The following ANO8 variants were observed in gnomAD, a reference collection of about 807,000 sequenced individuals.
ANO8 encodes the protein anoctamin-8.
ANO8 carries 67 observed loss-of-function variants against 120.4 expected under a neutral mutation model. The observed-to-expected ratio is 0.56, with a 90% CI of 0.46 to 0.68. The LOEUF is 0.68. Among genes scored for constraint, ANO8 ranks in the 30% least tolerant of loss-of-function variants. ANO8 has a pLI of 0.00. For synonymous variants in ANO8, 727 were observed against 759.2 expected (o/e 0.96, Z 0.70); for missense variants, 1,526 against 1,737.6 (o/e 0.88, Z 2.16).
Position 17,329,839 on chromosome 19 carries a change from A to G in ANO8, c.1330-8T>C. 1 of 1,613,876 alleles carries G rather than the reference A, an allele frequency of 6.2e-7. No individual in the cohort carries two copies. Among genetic ancestry groups the G allele is most frequent in the Middle Eastern group, 1.6e-4 (1 of 6,062 alleles). On this transcript the variant is annotated splice_polypyrimidine_tract_variant and splice_region_variant and intron_variant, in intron 11 of 17. Transcript: ENST00000159087. ...CGAGTTGACAAACTGGAACTGCAGG[A>G]AGGAGGCAGGCGGTGGTCATCCTGC...
chr19:17,329,023 C>A lies in ANO8; in HGVS notation c.1405-40G>T, dbSNP rs781051443. ...GGGAAGGAGAGAGGCGCGTGGGGGG[C>A]AAGCGGGGCGCCGGGATCGGGGGAC... On this transcript the variant is annotated intron_variant, in intron 12 of 17. Transcript: ENST00000159087. 1.1e-4 allele frequency: 152 copies of A among 1,395,808 alleles called. No individual in the cohort carries two copies. The South Asian group carries it at 2.0e-3, about 18-fold the overall frequency. 86.5% of individuals were successfully genotyped at this position (1,395,808 alleles called of 1,614,324 possible).
intron 5 of ANO8, among the ~76,000 whole-genome samples, chr19:17,332,382 C>T (rs2074325773): frequency 6.6e-6 from 1 of 152,168 alleles, no homozygotes. Flanking sequence ...TCCCAAAGTA[C>T]TGGGAGCCAC....
chr19:17,329,746 G>A lies in ANO8; in HGVS notation c.1404+11C>T, dbSNP rs904414952. Reference sequence around the variant, plus strand: ...GGGCAGGGGGGACTGCCGCTGGGGCGGGGGTCTCACCTCTTTCAAGCGCTC... The same window carrying A: ...GGGCAGGGGGGACTGCCGCTGGGGCAGGGGTCTCACCTCTTTCAAGCGCTC... On this transcript the variant is annotated intron_variant, in intron 12 of 17. Coordinates refer to ENST00000159087, the MANE Select transcript of ANO8 (RefSeq NM_020959.3). 2.5e-6 allele frequency: 4 copies of A among 1,608,092 alleles called. No homozygotes were observed. Among genetic ancestry groups the A allele is most frequent in the South Asian group, 2.2e-5 (2 of 90,432 alleles).
chr19:17,323,966 T>C, intron 17 of ANO8, 82 bp from the exon 18 acceptor site: 1 of 1,046,246 alleles, frequency 9.6e-7, no homozygotes, highest in Non-Finnish European at 1.2e-6. Flanking sequence ...CCGCGCTCCC[T>C]CCCGGGCATC....
Position 17,328,271 on chromosome 19 carries a change from G to T in ANO8, c.2117C>A (p.Thr706Asn), listed in dbSNP as rs1323649806. ...DPEPGSNSDSTRRQRRQNRSS... is the reference protein window; with the variant it reads ...DPEPGSNSDSNRRQRRQNRSS... Reference sequence around the variant, plus strand: ...CCGGTTCTGCCGTCTCTGCCTACGGGTCGAATCGCTGTTGGAGCCGGGTTC... The same window carrying T: ...CCGGTTCTGCCGTCTCTGCCTACGGTTCGAATCGCTGTTGGAGCCGGGTTC... The change falls in exon 13 of 18, where the codon ACC (threonine) becomes AAC (asparagine). Residue 706 changes from threonine to asparagine, a missense_variant. Around this residue, in one of 8 missense-constraint regions of ANO8, gnomAD observed 467 missense variants for 425.8 expected, o/e 1.10. Transcript: ENST00000159087. The T allele has an allele frequency of 6.2e-7, 1 of 1,610,564 alleles. No individual in the cohort carries two copies. The highest frequency in any genetic ancestry group is 1.3e-5 in the African/African-American group (1 of 75,014).
rs764238067 is a variant in ANO8, at chr19:17,330,379, C to A, written c.1119G>T (p.Leu373Phe). 1.3e-6 allele frequency: 2 copies of A among 1,593,572 alleles called. No homozygotes were observed. Among genetic ancestry groups the A allele is most frequent in the Non-Finnish European group, 1.7e-6 (2 of 1,170,036 alleles). ...GCAGCTGGAAGCAGCCAAGCATGAG[C>A]AAGAAGACACAGACGAGGCACGCCA... ...LCLACLVCVF[L>F]LMLGCFQLQE... The change falls in exon 9 of 18, where the codon TTG (leucine) becomes TTT (phenylalanine). Residue 373 changes from leucine to phenylalanine, a missense_variant. This residue lies in a region of ANO8 where 91 missense variants were observed against 85.3 expected (regional missense o/e 1.07). Coordinates refer to ENST00000159087, the MANE Select transcript of ANO8 (RefSeq NM_020959.3).
At position 17,328,708 on chromosome 19, in the gene ANO8, C is replaced by T; in HGVS notation, c.1680G>A (p.Ala560=). ...CGAPEEEEEA[A]LVERRRAGEG... is the part of the protein sequence containing the mutation. ...CCCCCGCCCGCCGCCGCTCCACCAGCGCCGCCTCCTCCTCCTCCTCCGGCG... is the reference window on the plus strand; with the variant it reads ...CCCCCGCCCGCCGCCGCTCCACCAGTGCCGCCTCCTCCTCCTCCTCCGGCG... Residue 560 remains alanine (A), a synonymous_variant, in exon 13 of 18, where the codon GCG becomes GCA. Coordinates refer to ENST00000159087, the MANE Select transcript of ANO8 (RefSeq NM_020959.3). The T allele has an allele frequency of 7.2e-7, 1 of 1,390,178 alleles. No individual in the cohort carries two copies. The highest frequency in any genetic ancestry group is 9.4e-7 in the Non-Finnish European group (1 of 1,065,820). The allele number at this position is 1,390,178 out of a possible 1,614,324, so 86.1% of individuals were successfully genotyped here. A position where few individuals can be genotyped will look rare whatever the true frequency, so the allele number is the denominator to read the frequency against.
At position 17,330,940 on chromosome 19, in the gene ANO8, C is replaced by T; in HGVS notation, c.881G>A (p.Trp294Ter). Residue 294 changes from tryptophan (W) to a stop codon, truncating the protein, a stop_gained, in exon 8 of 18, where the codon TGG becomes TAG. Coordinates refer to ENST00000159087, the MANE Select transcript of ANO8 (RefSeq NM_020959.3). LOFTEE classifies it high-confidence loss of function. ...CVVFALFNVI[W>*]STLFLEEWKR... ...CCATTCCTCTAGGAACAGCGTCGAC[C>T]AGATCACGTTGAAGAGGGCAAAGAC... is the stretch of plus-strand genomic sequence containing the variant. 6.2e-7 allele frequency: 1 copy of T among 1,614,176 alleles called. No homozygotes were observed. Among genetic ancestry groups the T allele is most frequent in the Non-Finnish European group, 8.5e-7 (1 of 1,180,036 alleles).
rs1332688555 is a variant in ANO8 at position 17,330,816 on chromosome 19, C to A, written c.993+12G>T. The A allele has an allele frequency of 2.5e-6, 4 of 1,611,106 alleles. No homozygotes were observed. The highest frequency in any genetic ancestry group is 2.5e-6 in the Non-Finnish European group (3 of 1,178,408). On this transcript the variant is annotated intron_variant, in intron 8 of 17. Coordinates refer to ENST00000159087, the MANE Select transcript of ANO8 (RefSeq NM_020959.3). ...CCTGTCTCCATGACCCTGGACTCAG[C>A]CCCCAACTGACCCTGAACTGGGGGC...
In ANO8 at chr19:17,328,304, G is replaced by A. The variant is rs753268979; in HGVS notation, c.2084C>T (p.Pro695Leu). 1.9e-6 allele frequency: 3 copies of A among 1,601,668 alleles called. No homozygotes were observed. The highest frequency in any genetic ancestry group is 1.3e-5 in the African/African-American group (1 of 74,880). ...EGRDQGPDGG[P>L]DPEPGSNSDS... Reference sequence around the variant, plus strand: ...GCTGTTGGAGCCGGGTTCCGGGTCCGGGCCCCCGTCGGGCCCCTGGTCTCG... The same window carrying A: ...GCTGTTGGAGCCGGGTTCCGGGTCCAGGCCCCCGTCGGGCCCCTGGTCTCG... Residue 695 changes from proline to leucine, a missense_variant, in exon 13 of 18, where the codon CCG becomes CTG. Coordinates refer to ENST00000159087, the MANE Select transcript of ANO8 (RefSeq NM_020959.3).
In ANO8 at chr19:17,333,807, G is replaced by A. The variant is rs2074339420; in HGVS notation, c.107-7C>T. 1.3e-6 allele frequency: 2 copies of A among 1,580,818 alleles called. No individual in the cohort carries two copies. The highest frequency in any genetic ancestry group is 2.3e-5 in the East Asian group (1 of 42,984). On this transcript the variant is annotated splice_polypyrimidine_tract_variant and splice_region_variant and intron_variant, in intron 1 of 17. Coordinates refer to ENST00000159087, the MANE Select transcript of ANO8 (RefSeq NM_020959.3). This position sits in a 1 kb window ranked among gnomAD's most constrained non-coding sequence, Gnocchi z 7.2. ...CGCTTTCCGAAAAGCTTATCTAGGG[G>A]GCGGCGTAGCAGGCCCGGGTCAGGC... is the stretch of plus-strand genomic sequence containing the variant.
rs759499509 is a variant in ANO8 at position 17,331,408 on chromosome 19, G to A, written c.590C>T (p.Pro197Leu). 8 of 1,613,166 alleles carry A rather than the reference G, an allele frequency of 5.0e-6. No individual in the cohort carries two copies. Among genetic ancestry groups the A allele is most frequent in the Non-Finnish European group, 5.9e-6 (7 of 1,179,912 alleles). The change falls in exon 6 of 18, where the codon CCG (proline) becomes CTG (leucine). Residue 197 changes from proline (P) to leucine (L), a missense_variant. Pro to Leu is a moderately conservative substitution (Grantham distance 98, BLOSUM62 -3). Coordinates refer to ENST00000159087, the MANE Select transcript of ANO8 (RefSeq NM_020959.3). ...VRFLEDQPII[P>L]ELAARGIIQQ... ...GATGATCCCACGTGCTGCCAGCTCC[G>A]GGACTGTGGAGGGAGGAGCACAGGT...
rs763723821 is a variant in ANO8 at position 17,323,642 on chromosome 19, C to T, written c.3574G>A (p.Ala1192Thr). 1 of 754,634 alleles carries T rather than the reference C, an allele frequency of 1.3e-6. No individual in the cohort carries two copies. Among genetic ancestry groups the T allele is most frequent in the Non-Finnish European group, 1.6e-6 (1 of 633,764 alleles). The allele number at this position is 754,634 out of a possible 1,614,324, so 46.7% of individuals were successfully genotyped here. A position where few individuals can be genotyped will look rare whatever the true frequency, so the allele number is the denominator to read the frequency against. ...GGGGGCGGGAGGCTGTAAAAGCTGG[C>T]GTCTCCCGGCAGGGGCTGGGGGGCG... ...PPAPQPLPGD[A>T]SFYSLPPPPL... Residue 1192 changes from alanine (A) to threonine (T), a missense_variant, in exon 18 of 18, where the codon GCC becomes ACC. Ala to Thr is a moderately conservative substitution (Grantham distance 58). Transcript: ENST00000159087.
Position 17,323,392 on chromosome 19 carries a change from A to T in ANO8, c.*125T>A. 1 of 924,896 alleles carries T rather than the reference A, an allele frequency of 1.1e-6. No individual in the cohort carries two copies. Among genetic ancestry groups the T allele is most frequent in the Non-Finnish European group, 1.5e-6 (1 of 688,980 alleles). 57.3% of individuals were successfully genotyped at this position (924,896 alleles called of 1,614,324 possible). On this transcript the variant is annotated 3_prime_UTR_variant, in exon 18 of 18. Transcript: ENST00000159087. Reference sequence around the variant, plus strand: ...CCTTTCGTTTGGAAAGGAAAACGGCAGATGGGGGGCACCGACCAATACTGG... The same window carrying T: ...CCTTTCGTTTGGAAAGGAAAACGGCTGATGGGGGGCACCGACCAATACTGG...
chr19:17,329,615 G>A (rs2074301983), intron 12 of ANO8, 142 bp downstream of exon 12: 1 of 658,818 alleles, frequency 1.5e-6, no homozygotes, highest in Non-Finnish European at 2.6e-6. Context: ...CACAGACGAC[G>A]GACAACGGAC....
chr19:17,332,919 G>A lies in ANO8; in HGVS notation c.586+11C>T, dbSNP rs531325234. The A allele has an allele frequency of 7.4e-6, 12 of 1,613,708 alleles. No homozygotes were observed. The East Asian group carries it at 2.0e-4, about 27-fold the overall frequency. Reference sequence around the variant, plus strand: ...TCTGCCTGTGATTGGTGTTGACCCCGCCCTGCTCACTGATTGGCTGGTCCT... The same window carrying A: ...TCTGCCTGTGATTGGTGTTGACCCCACCCTGCTCACTGATTGGCTGGTCCT... On this transcript the variant is annotated intron_variant, in intron 5 of 17. Coordinates refer to ENST00000159087, the MANE Select transcript of ANO8 (RefSeq NM_020959.3).
In ANO8 at chr19:17,334,721, C is replaced by A; in HGVS notation, c.-51G>T. ...TACGGACGGCCCGGGCGACGGGGAG[C>A]CGCGGGCTCATGGGGCCGGTGCAGC... On this transcript the variant is annotated 5_prime_UTR_variant, in exon 1 of 18. Transcript: ENST00000159087. The A allele has an allele frequency of 7.6e-7, 1 of 1,322,636 alleles. No individual in the cohort carries two copies. Among genetic ancestry groups the A allele is most frequent in the Non-Finnish European group, 9.7e-7 (1 of 1,031,138 alleles). 81.9% of individuals were successfully genotyped at this position (1,322,636 alleles called of 1,614,324 possible).
At chr19:17,328,089 G>A (rs982422874) in intron 13 of ANO8, 73 bp downstream of exon 13, 164 of 1,430,488 alleles carry the variant, frequency 1.1e-4, no homozygotes, top group Non-Finnish European at 1.4e-4. Flanking sequence ...CACCCCCACG[G>A]CCTTCACCCT....
chr19:17,333,634 G>C lies in ANO8; in HGVS notation c.217+56C>G, dbSNP rs935243585. 2 of 1,519,118 alleles carry C rather than the reference G, an allele frequency of 1.3e-6. No homozygotes were observed. Among genetic ancestry groups the C allele is most frequent in the African/African-American group, 2.8e-5 (2 of 70,264 alleles). 94.1% of individuals were successfully genotyped at this position (1,519,118 alleles called of 1,614,324 possible). ...CTACGTATTCCCGTTCTGGGAAGCCGAGCTCAGGAGAGCCGCATCTGGGCA... is the reference window on the plus strand; with the variant it reads ...CTACGTATTCCCGTTCTGGGAAGCCCAGCTCAGGAGAGCCGCATCTGGGCA... On this transcript the variant is annotated intron_variant, in intron 2 of 17. Transcript: ENST00000159087. This position sits in a 1 kb window ranked among gnomAD's most constrained non-coding sequence, Gnocchi z 7.2.
Sources: gnomAD v4.1 joint callset for allele counts (sites outside exome capture counted in the v4.1 genomes callset) on GRCh38, gnomAD v4.1.1 for gene constraint, gnomAD v4.1.1 regional missense constraint, Gnocchi (gnomAD v3.1) non-coding constraint, MANE v1.5 for transcripts, NCBI Gene and HGNC (gene_info 2026-07-23, HGNC 2026-07-21) for gene names.